Variants in RBM20 observed in about 807,000 individuals in gnomAD.
RBM20 encodes the protein RNA-binding protein 20.
In RBM20, 51 loss-of-function variants were observed where a neutral mutation model predicts 110.1. The observed-to-expected ratio is 0.46, with a 90% CI of 0.37 to 0.59. The LOEUF (loss-of-function observed/expected upper bound fraction) is 0.59. RBM20 is among the 20% of genes least tolerant of loss of function. The pLI is 0.00. For synonymous variants in RBM20, 589 were observed against 618.2 expected (o/e 0.95, Z 0.70); for missense variants, 1,512 against 1,574.9 (o/e 0.96, Z 0.68).
intron 1 of RBM20, among the ~76,000 whole-genome samples, chr10:110,724,371 T>A (rs1390158289): frequency 6.6e-6 from 1 of 152,192 alleles, no homozygotes; most frequent in Non-Finnish European, 1.5e-5. Context: ...GCTGCAGAAC[T>A]GAAGTAGCCT....
At chr10:110,705,353 TA>T (rs1441701786) in intron 1 of RBM20, among the ~76,000 whole-genome samples, 4 of 152,262 alleles carry the variant, frequency 2.6e-5, no homozygotes, top group Non-Finnish European at 5.9e-5. Context: ...AAGTTTTAAA[TA>T]TACTACTCAG....
intron 9 of RBM20, among the ~76,000 whole-genome samples, chr10:110,817,339 A>G (rs1176292414): frequency 6.6e-6 from 1 of 152,234 alleles, no homozygotes; most frequent in East Asian, 1.9e-4. Flanking sequence ...CCTGTGGGCC[A>G]GATGCCATCT....
In RBM20 at chr10:110,780,896, C is replaced by T. The variant is rs1195345503; in HGVS notation, c.287C>T (p.Ala96Val). The T allele has an allele frequency of 1.3e-6, 2 of 1,551,428 alleles. No individual in the cohort carries two copies. Among genetic ancestry groups the T allele is most frequent in the Admixed American group, 3.9e-5 (2 of 51,004 alleles). The part of the protein sequence containing the change: ...PASLQLAQLQ[A>V]QLTLHRLKLA... ...AGTCTCCAGCTGGCTCAACTGCAGG[C>T]CCAGCTCACCCTCCACCGGCTGAAG... The change falls in exon 2 of 14, where the codon GCC (alanine) becomes GTC (valine). Residue 96 changes from alanine to valine, a missense_variant. By Grantham distance (64) the Ala-to-Val change is moderately conservative. This residue lies in a region of RBM20 where 1,149 missense variants were observed against 1,169.4 expected (regional missense o/e 0.98). Coordinates refer to ENST00000369519, the MANE Select transcript of RBM20 (RefSeq NM_001134363.3).
rs367567507 is a variant in RBM20 at position 110,810,388 on chromosome 10, C to T, written c.1806C>T (p.Pro602=). 2.3e-5 allele frequency: 36 copies of T among 1,551,150 alleles called. No individual in the cohort carries two copies. The highest frequency in any genetic ancestry group is 1.4e-4 in the South Asian group (12 of 84,042). The stretch of plus-strand genomic sequence containing the variant: ...GATCTCTCTGACTTTGCTAGAAACC[C>T]GGGAAGGCCGTGGCTGCCATCATCC... ...KRYKELQLKK[P]GKAVAAIIQD... The change falls in exon 8 of 14, where the codon CCC becomes CCT. Residue 602 remains proline (P), a synonymous_variant. Coordinates refer to ENST00000369519, the MANE Select transcript of RBM20 (RefSeq NM_001134363.3).
chr10:110,808,250 G>A (rs1463201680), intron 7 of RBM20, among the ~76,000 whole-genome samples: 4 of 152,248 alleles, frequency 2.6e-5, no homozygotes, highest in Non-Finnish European at 4.4e-5. Context: ...CTAGCCACAC[G>A]GTGGGGTGGG....
At chr10:110,773,093 G>A (rs1844214903) in intron 1 of RBM20, among the ~76,000 whole-genome samples, 2 of 152,332 alleles carry the variant, frequency 1.3e-5, no homozygotes, top group South Asian at 4.1e-4. Context: ...TCCTGATTTT[G>A]CACTCCATTG....
intron 1 of RBM20, among the ~76,000 whole-genome samples, chr10:110,736,623 A>C (rs1482677940): frequency 6.6e-6 from 1 of 151,784 alleles, no homozygotes; most frequent in Non-Finnish European, 1.5e-5. Context: ...GAATGCAGAA[A>C]CATGCCTGGA....
At chr10:110,722,021 CT>C (rs1260430360) in intron 1 of RBM20, among the ~76,000 whole-genome samples, 1 of 152,112 alleles carries the variant, frequency 6.6e-6, no homozygotes, top group Non-Finnish European at 1.5e-5. Flanking sequence ...CTGCCCCTGC[CT>C]TTTCTCTGCC....
At chr10:110,709,289 T>C (rs2134908689) in intron 1 of RBM20, among the ~76,000 whole-genome samples, 1 of 151,732 alleles carries the variant, frequency 6.6e-6, no homozygotes, top group African/African-American at 2.4e-5. Context: ...GGATCGGGAG[T>C]CAAAGACCCA....
At chr10:110,784,714 A>G (rs1396436532) in intron 4 of RBM20, 78 bp from the exon 5 acceptor site, 10 of 943,864 alleles carry the variant, frequency 1.1e-5, no homozygotes, top group Non-Finnish European at 1.7e-6. Flanking sequence ...TCAGTTTTCT[A>G]TGCCTGCTTA....
At chr10:110,738,202 G>C (rs1843691144) in intron 1 of RBM20, among the ~76,000 whole-genome samples, 1 of 152,196 alleles carries the variant, frequency 6.6e-6, no homozygotes. Flanking sequence ...TTAAAGGGAA[G>C]GTGAGGGTTA....
chr10:110,699,535 G>T (rs11195271), intron 1 of RBM20, among the ~76,000 whole-genome samples: 25,740 of 151,722 alleles, frequency 0.17, 2,460 homozygotes, highest in East Asian at 0.31. Flanking sequence ...GCCACAAAAA[G>T]TGCTGAGATT....
chr10:110,692,844 T>TTTTTG (rs796954310), intron 1 of RBM20, among the ~76,000 whole-genome samples: 169 of 152,032 alleles, frequency 1.1e-3, no homozygotes, highest in African/African-American at 3.9e-3. Context: ...AACTTGCAGT[T>TTTTTG]TTTTGTTTTG....
rs1298139932 is a variant in RBM20 at position 110,831,194 on chromosome 10, C to G, written c.3573+12C>G. 4 of 1,550,194 alleles carry G rather than the reference C, an allele frequency of 2.6e-6. No homozygotes were observed. The highest frequency in any genetic ancestry group is 3.5e-6 in the Non-Finnish European group (4 of 1,145,936). ...ACAGGAACTTACAGGTAAAAATCCA[C>G]TCTCCTTGCCCAGCATGCCAGGGGC... On this transcript the variant is annotated intron_variant, in intron 13 of 13. Transcript: ENST00000369519.
chr10:110,685,804 T>C (rs890436937), intron 1 of RBM20, among the ~76,000 whole-genome samples: 1 of 152,194 alleles, frequency 6.6e-6, no homozygotes, highest in Non-Finnish European at 1.5e-5. Context: ...CAAGACTTTT[T>C]TTTTCGGTAT....
intron 1 of RBM20, among the ~76,000 whole-genome samples, chr10:110,690,128 A>G (rs1862566703): frequency 6.6e-6 from 1 of 152,198 alleles, no homozygotes; most frequent in Non-Finnish European, 1.5e-5. Flanking sequence ...CAATTTGACT[A>G]GGCATGGTGG....
chr10:110,668,386 G>A (rs1374598632), intron 1 of RBM20, among the ~76,000 whole-genome samples: 5 of 152,104 alleles, frequency 3.3e-5, no homozygotes, highest in African/African-American at 9.7e-5. Context: ...CATAAAACAA[G>A]GGAAAAACTA....
chr10:110,796,284 T>A (rs1212401126), intron 5 of RBM20, among the ~76,000 whole-genome samples: 4 of 152,238 alleles, frequency 2.6e-5, no homozygotes, highest in African/African-American at 9.6e-5. Flanking sequence ...TCTTTAAGCA[T>A]TTTTTATTGC....
At chr10:110,780,306 G>C (rs761529335) in intron 1 of RBM20, among the ~76,000 whole-genome samples, 32 of 152,134 alleles carry the variant, frequency 2.1e-4, no homozygotes, top group Non-Finnish European at 4.0e-4. Flanking sequence ...CTCTTAAATA[G>C]TATAGTATTA....
Sources: allele counts gnomAD v4.1 joint callset (sites outside exome capture counted in the v4.1 genomes callset), GRCh38; gene constraint gnomAD v4.1.1; regional missense constraint gnomAD v4.1.1; transcripts MANE v1.5; gene names NCBI Gene and HGNC (gene_info 2026-07-23, HGNC 2026-07-21).